Variants in TDRD5 observed in about 807,000 individuals in gnomAD.
TDRD5 encodes tudor domain containing 5, also known as tudor domain-containing protein 5.
TDRD5 carries 41 observed loss-of-function variants against 120.6 expected under a neutral mutation model. The observed-to-expected ratio is 0.34, with a 90% CI of 0.26 to 0.44. The LOEUF is 0.44. TDRD5 is among the 20% of genes least tolerant of loss of function. TDRD5 has a pLI of 1.00. For synonymous variants in TDRD5, 430 were observed against 433.7 expected (o/e 0.99, Z 0.11); for missense variants, 1,006 against 1,221.2 (o/e 0.82, Z 2.63).
chr1:179,627,594 C>T (rs140667254), intron 6 of TDRD5, among the ~76,000 whole-genome samples: 68 of 152,242 alleles, frequency 4.5e-4, no homozygotes, highest in African/African-American at 1.4e-3. Flanking sequence ...AACATCTTGT[C>T]GTACCAGACC....
chr1:179,618,980 TA>T (rs1330263680), intron 5 of TDRD5, among the ~76,000 whole-genome samples: 10 of 152,170 alleles, frequency 6.6e-5, no homozygotes, highest in African/African-American at 2.2e-4. Flanking sequence ...ACCAATTTTA[TA>T]AATGTACATT....
At chr1:179,661,971 G>T in intron 14 of TDRD5, 133 bp from the exon 15 acceptor site, 1 of 784,440 alleles carries the variant, frequency 1.3e-6, no homozygotes, top group Non-Finnish European at 1.8e-6. Flanking sequence ...CATTTCAGAA[G>T]GGAAATTAAT....
intron 15 of TDRD5, 95 bp downstream of exon 15, chr1:179,662,381 A>C (rs761299442): frequency 7.5e-7 from 1 of 1,335,826 alleles, no homozygotes; most frequent in Non-Finnish European, 1.0e-6. Flanking sequence ...TGGGTGGATC[A>C]GTTGAGCTCA....
chr1:179,645,083 T>C (rs12024410), intron 11 of TDRD5, among the ~76,000 whole-genome samples: 1,062 of 65,722 alleles, frequency 0.016, 12 homozygotes, highest in Non-Finnish European at 0.021. Context: ...TTTCTTTTTT[T>C]TTTTTTTTTT....
chr1:179,661,930 T>C (rs947268192), intron 14 of TDRD5, among the ~76,000 whole-genome samples, 174 bp from the exon 15 acceptor site: 1 of 152,196 alleles, frequency 6.6e-6, no homozygotes, highest in Non-Finnish European at 1.5e-5. Flanking sequence ...CTATAAAGAT[T>C]ATATCCTAAA....
At chr1:179,671,752 CTT>C (rs1346934171) in intron 17 of TDRD5, among the ~76,000 whole-genome samples, 1 of 152,162 alleles carries the variant, frequency 6.6e-6, no homozygotes. Flanking sequence ...CACCCTTTCT[CTT>C]GAGTCCCCAA....
chr1:179,598,104 C>T (rs1211858333), intron 4 of TDRD5, among the ~76,000 whole-genome samples: 4 of 152,150 alleles, frequency 2.6e-5, no homozygotes, highest in Non-Finnish European at 5.9e-5. Flanking sequence ...GCCTATTGCT[C>T]ATAGGCTACA....
At chr1:179,605,620 T>C (rs989702763) in intron 4 of TDRD5, among the ~76,000 whole-genome samples, 1 of 152,212 alleles carries the variant, frequency 6.6e-6, no homozygotes, top group East Asian at 1.9e-4. Context: ...TTGCGCCTGT[T>C]CATCTGTCTC....
chr1:179,597,400 C>T (rs12086761), intron 4 of TDRD5, among the ~76,000 whole-genome samples: 2,431 of 143,934 alleles, frequency 0.017, 74 homozygotes, highest in African/African-American at 0.058. Flanking sequence ...GGTGCGATCT[C>T]GGCTCACTGC....
chr1:179,628,157 C>T (rs1200893249), intron 6 of TDRD5, among the ~76,000 whole-genome samples: 1 of 152,004 alleles, frequency 6.6e-6, no homozygotes. Context: ...GCAAGATTGT[C>T]AGACTTTGAG....
At chr1:179,655,514 T>C (rs1678955919) in intron 14 of TDRD5, among the ~76,000 whole-genome samples, 1 of 152,186 alleles carries the variant, frequency 6.6e-6, no homozygotes, top group South Asian at 2.1e-4. Context: ...CTTTAATAAA[T>C]GTGTAGATTT....
chr1:179,607,590 C>T (rs944193629), intron 4 of TDRD5, among the ~76,000 whole-genome samples: 5 of 151,692 alleles, frequency 3.3e-5, no homozygotes, highest in Non-Finnish European at 5.9e-5. Flanking sequence ...GGGTTTTCAA[C>T]CTATATTTTT....
intron 3 of TDRD5, among the ~76,000 whole-genome samples, chr1:179,594,584 A>G (rs1675287162): frequency 6.6e-6 from 1 of 152,266 alleles, no homozygotes; most frequent in Non-Finnish European, 1.5e-5. Flanking sequence ...CCATCTGGGT[A>G]GTATCTCCCT....
chr1:179,618,732 A>G, intron 5 of TDRD5, 50 bp downstream of exon 5: 2 of 1,363,214 alleles, frequency 1.5e-6, no homozygotes, highest in African/African-American at 3.0e-5. Context: ...TTATAAATTT[A>G]TATATCATTT....
In TDRD5 at chr1:179,663,467, T is replaced by C. The variant is rs992489966; in HGVS notation, c.2625T>C (p.Asn875=). Residue 875 remains asparagine (N), a synonymous_variant, in exon 16 of 18, where the codon AAT becomes AAC. Transcript: ENST00000444136. The part of the protein sequence containing the change: ...KPEVLGAQEK[N]TGTNRTQKQL... Reference sequence around the variant, plus strand: ...AAGTACTGGGTGCTCAGGAAAAAAATACTGGCACAAACAGGACTCAAAAGG... The same window carrying C: ...AAGTACTGGGTGCTCAGGAAAAAAACACTGGCACAAACAGGACTCAAAAGG... The C allele has an allele frequency of 1.9e-6, 3 of 1,612,966 alleles. No individual in the cohort carries two copies. Among genetic ancestry groups the C allele is most frequent in the Non-Finnish European group, 2.5e-6 (3 of 1,179,684 alleles).
chr1:179,628,337 T>C (rs1677251472), intron 6 of TDRD5, among the ~76,000 whole-genome samples: 1 of 144,240 alleles, frequency 6.9e-6, no homozygotes, highest in South Asian at 2.2e-4. Context: ...TTTTTTTTTT[T>C]TTTTTTTTTT....
chr1:179,689,277 G>A (rs866280491), intron 17 of TDRD5, among the ~76,000 whole-genome samples: 15 of 152,212 alleles, frequency 9.9e-5, no homozygotes, highest in African/African-American at 1.9e-4. Context: ...TAACAGTCAG[G>A]ACCCTCAGCT....
chr1:179,651,955 C>A, intron 12 of TDRD5, 84 bp from the exon 13 acceptor site: 1 of 1,384,316 alleles, frequency 7.2e-7, no homozygotes, highest in Non-Finnish European at 1.0e-6. Context: ...ACTTCCATAG[C>A]ATTTGAAAGT....
chr1:179,620,497 TTA>T (rs1236715821), intron 5 of TDRD5, among the ~76,000 whole-genome samples: 2 of 152,146 alleles, frequency 1.3e-5, no homozygotes, highest in African/African-American at 2.4e-5. Context: ...GTGAAAATGT[TTA>T]TGTTTTTACT....
Sources: allele counts gnomAD v4.1 joint callset (sites outside exome capture counted in the v4.1 genomes callset), GRCh38; gene constraint gnomAD v4.1.1; transcripts MANE v1.5; gene names NCBI Gene and HGNC (gene_info 2026-07-23, HGNC 2026-07-21).